The following GALNT1 variants were observed in gnomAD, a reference collection of about 807,000 sequenced individuals.
GALNT1 encodes the protein GalNAc transferase 1.
Under a neutral mutation model 65.7 loss-of-function variants are expected in GALNT1, and 17 were observed. That is an observed-to-expected ratio of 0.26 (90% CI 0.18 to 0.39). The LOEUF (loss-of-function observed/expected upper bound fraction) is 0.39, where lower values mean the gene tolerates loss of function less well. Among genes scored for constraint, GALNT1 ranks in the 10% least tolerant of loss-of-function variants. The pLI is 1.00. For missense variants in GALNT1, 460 were observed against 672.8 expected, an observed-to-expected ratio of 0.68 and a Z score of 3.50; for synonymous variants, 210 against 219.7, an observed-to-expected ratio of 0.96 and a Z score of 0.39.
intron 1 of GALNT1, among the ~76,000 whole-genome samples, chr18:35,640,722 A>G (rs1458015808): frequency 1.3e-5 from 2 of 152,226 alleles, no homozygotes; most frequent in African/African-American, 4.8e-5. Context: ...TTAAGACAAC[A>G]GTATGGTATA....
chr18:35,597,465 C>T (rs985584060), intron 1 of GALNT1: 9 of 152,186 alleles, frequency 5.9e-5, no homozygotes, highest in African/African-American at 1.9e-4. Flanking sequence ...TCTTTACATT[C>T]TAGTAGTTTA....
At chr18:35,604,158 T>G (rs1212085787) in intron 1 of GALNT1, among the ~76,000 whole-genome samples, 1 of 152,132 alleles carries the variant, frequency 6.6e-6, no homozygotes, top group African/African-American at 2.4e-5. Flanking sequence ...TCGCTCCCAC[T>G]TATAAGAACA....
chr18:35,657,737 G>A (rs2047413208), intron 2 of GALNT1, among the ~76,000 whole-genome samples: 1 of 152,174 alleles, frequency 6.6e-6, no homozygotes, highest in Non-Finnish European at 1.5e-5. Context: ...TGTCATTTCA[G>A]GGAATGGTAA....
chr18:35,652,109 T>G (rs1308785064), intron 1 of GALNT1, among the ~76,000 whole-genome samples: 1 of 152,168 alleles, frequency 6.6e-6, no homozygotes, highest in South Asian at 2.1e-4. Flanking sequence ...GATTTCTTCC[T>G]GGTACGGTTA....
At chr18:35,628,916 G>A (rs555695895) in intron 1 of GALNT1, among the ~76,000 whole-genome samples, 4 of 152,328 alleles carry the variant, frequency 2.6e-5, no homozygotes, top group East Asian at 1.9e-4. Context: ...ACTACATGAC[G>A]AATGCGCAAG....
intron 9 of GALNT1, among the ~76,000 whole-genome samples, 199 bp downstream of exon 9, chr18:35,692,519 A>G (rs763702926): frequency 2.0e-5 from 3 of 151,856 alleles, no homozygotes; most frequent in Admixed American, 1.3e-4. Flanking sequence ...CTGAAAGTTG[A>G]TTTCCACTGA....
At chr18:35,635,315 C>CCT (rs1489210841) in intron 1 of GALNT1, among the ~76,000 whole-genome samples, 1 of 152,170 alleles carries the variant, frequency 6.6e-6, no homozygotes, top group Non-Finnish European at 1.5e-5. Context: ...TAAGCACATT[C>CCT]CTACCATATG....
chr18:35,691,315 T>C, intron 8 of GALNT1, 123 bp downstream of exon 8: 6 of 711,516 alleles, frequency 8.4e-6, no homozygotes, highest in East Asian at 8.3e-5. Context: ...CATAAGGTCA[T>C]TGTAAGGAAT....
chr18:35,608,136 T>G lies in GALNT1; in HGVS notation c.-104+26274T>G, dbSNP rs991023507. ...CTAGTTAGTTAGATATTTTAAAATTTTTCTCAGTAATATTTTTTGTTTTTC... is the reference window on the plus strand; with the variant it reads ...CTAGTTAGTTAGATATTTTAAAATTGTTCTCAGTAATATTTTTTGTTTTTC... On this transcript the variant is annotated intron_variant, in intron 1 of 11. Transcript: ENST00000269195. Among the ~76,000 whole-genome samples the G allele has an allele frequency of 2.8e-4, 42 of 152,268 alleles. 1 individual carries two copies. The Middle Eastern group carries it at 0.014, about 49-fold the overall frequency.
At chr18:35,595,330 T>A (rs1407192027) in intron 1 of GALNT1, among the ~76,000 whole-genome samples, 1 of 152,194 alleles carries the variant, frequency 6.6e-6, no homozygotes, top group Non-Finnish European at 1.5e-5. Flanking sequence ...ACCTGATTTG[T>A]TCTGATTTAC....
intron 2 of GALNT1, among the ~76,000 whole-genome samples, chr18:35,656,219 A>G (rs1199630890): frequency 6.6e-6 from 1 of 152,218 alleles, no homozygotes; most frequent in East Asian, 1.9e-4. Flanking sequence ...TTAAATGTAA[A>G]GACTTGACAG....
intron 4 of GALNT1, among the ~76,000 whole-genome samples, chr18:35,678,122 A>G (rs866563179): frequency 3.3e-5 from 5 of 152,170 alleles, no homozygotes; most frequent in African/African-American, 9.6e-5. Context: ...GCTTACATCC[A>G]TGAATGGAGA....
intron 4 of GALNT1, among the ~76,000 whole-genome samples, 183 bp downstream of exon 4, chr18:35,677,940 T>C (rs1302105770): frequency 6.6e-6 from 1 of 152,226 alleles, no homozygotes; most frequent in East Asian, 1.9e-4. Context: ...AAATATTACT[T>C]TAATTAGTAA....
At chr18:35,676,260 G>T (rs929358833) in intron 3 of GALNT1, among the ~76,000 whole-genome samples, 1 of 152,008 alleles carries the variant, frequency 6.6e-6, no homozygotes, top group African/African-American at 2.4e-5. Context: ...AGTAGGAGAC[G>T]GAGACCATCC....
At chr18:35,706,560 T>C (rs780300166) in intron 11 of GALNT1, among the ~76,000 whole-genome samples, 1 of 152,154 alleles carries the variant, frequency 6.6e-6, no homozygotes, top group Non-Finnish European at 1.5e-5. Flanking sequence ...GTTTTAAAAC[T>C]TCTAGATCGC....
chr18:35,630,558 G>A (rs956030771), intron 1 of GALNT1, among the ~76,000 whole-genome samples: 11 of 152,216 alleles, frequency 7.2e-5, no homozygotes, highest in Admixed American at 6.5e-4. Flanking sequence ...AAAGCAGTGT[G>A]TAGAGGGAAA....
chr18:35,662,609 AT>A (rs201848297), intron 2 of GALNT1, among the ~76,000 whole-genome samples: 15,478 of 152,178 alleles, frequency 0.1, 1,009 homozygotes, highest in African/African-American at 0.19. Context: ...TGATGCCACT[AT>A]TTTTTGTTTA....
At chr18:35,702,394 C>T (rs974607044) in intron 9 of GALNT1, among the ~76,000 whole-genome samples, 1 of 152,190 alleles carries the variant, frequency 6.6e-6, no homozygotes, top group African/African-American at 2.4e-5. Context: ...ATTCTGATGA[C>T]TGACTTAAAT....
In GALNT1 at chr18:35,654,801, G is replaced by T; in HGVS notation, c.139G>T (p.Val47Phe). 6.5e-7 allele frequency: 1 copy of T among 1,546,932 alleles called. No individual in the cohort carries two copies. The highest frequency in any genetic ancestry group is 1.9e-5 in the Admixed American group (1 of 53,762). The change falls in exon 2 of 12, where the codon GTT becomes TTT. Residue 47 changes from valine to phenylalanine, a missense_variant and splice_region_variant. By Grantham distance (50) the Val-to-Phe change is conservative. Transcript: ENST00000269195. ...KKERGLPAGD[V>F]LEPVQKPHEG... ...GGAGAGAGGACTTCCTGCTGGAGAT[G>T]GTGAGTGACATTTTATAATAGAGCT... is the stretch of plus-strand genomic sequence containing the variant.
Sources: allele counts gnomAD v4.1 joint callset (sites outside exome capture counted in the v4.1 genomes callset), GRCh38; gene constraint gnomAD v4.1.1; transcripts MANE v1.5; gene names NCBI Gene and HGNC (gene_info 2026-07-23, HGNC 2026-07-21).